ANO2: variants seen among roughly 807,000 people sequenced by gnomAD.
The protein encoded by ANO2 is anoctamin 2, also known as anoctamin-2.
In ANO2, 101 loss-of-function variants were observed where a neutral mutation model predicts 124.2. That is an observed-to-expected ratio of 0.81 (90% confidence interval 0.69 to 0.96). ANO2 has a LOEUF of 0.96. ANO2 is among the 40% of genes least tolerant of loss of function. The pLI, the probability that ANO2 is intolerant of heterozygous loss-of-function variation, is 0.00. For synonymous variants in ANO2, 486 were observed against 482.5 expected (o/e 1.01, Z -0.09); for missense variants, 1,293 against 1,274.5 (o/e 1.01, Z -0.22).
intron 3 of ANO2, among the ~76,000 whole-genome samples, chr12:5,875,602 A>G (rs1180479120): frequency 3.3e-5 from 5 of 152,230 alleles, no homozygotes; most frequent in Admixed American, 6.5e-5. Context: ...CAGATGCCTA[A>G]TAACTACCAC....
At chr12:5,700,763 C>T (rs535160847) in intron 14 of ANO2, among the ~76,000 whole-genome samples, 1 of 152,202 alleles carries the variant, frequency 6.6e-6, no homozygotes, top group South Asian at 2.1e-4. Context: ...GGTTATCAGA[C>T]TGCTGGCCTC....
At chr12:5,594,409 C>CCAA (rs1322351571) in intron 20 of ANO2, among the ~76,000 whole-genome samples, 1 of 152,168 alleles carries the variant, frequency 6.6e-6, no homozygotes, top group Non-Finnish European at 1.5e-5. Flanking sequence ...ACCACATTGG[C>CCAA]CAAGATTTTA....
intron 4 of ANO2, among the ~76,000 whole-genome samples, chr12:5,850,494 G>A (rs1405555773): frequency 6.7e-6 from 1 of 149,382 alleles, no homozygotes. Context: ...CAGTCCCCCT[G>A]AGTCGAGTCT....
chr12:5,892,749 A>G (rs1939497428), intron 3 of ANO2, among the ~76,000 whole-genome samples: 1 of 152,238 alleles, frequency 6.6e-6, no homozygotes, highest in Admixed American at 6.5e-5. Context: ...TTTATTGCCA[A>G]CAGACTTGGT....
intron 16 of ANO2, among the ~76,000 whole-genome samples, chr12:5,625,806 C>G (rs887218473): frequency 2.6e-5 from 4 of 152,056 alleles, no homozygotes; most frequent in Non-Finnish European, 5.9e-5. Context: ...ATATGATTCA[C>G]GAGGCTTTGA....
intron 14 of ANO2, among the ~76,000 whole-genome samples, chr12:5,683,287 A>G (rs1384699645): frequency 6.6e-6 from 1 of 152,220 alleles, no homozygotes; most frequent in African/African-American, 2.4e-5. Flanking sequence ...AAATCAAGAA[A>G]CAGGAAAAAG....
chr12:5,679,918 A>C (rs886638159), intron 14 of ANO2, among the ~76,000 whole-genome samples: 2 of 152,230 alleles, frequency 1.3e-5, no homozygotes, highest in Non-Finnish European at 2.9e-5. Context: ...CTAGATAAAG[A>C]AAATGTGGTA....
chr12:5,898,014 T>C (rs569133836), intron 3 of ANO2, among the ~76,000 whole-genome samples: 15 of 152,150 alleles, frequency 9.9e-5, no homozygotes, highest in African/African-American at 3.4e-4. Context: ...GTACCAAGTA[T>C]AGATGAAGAA....
intron 14 of ANO2, among the ~76,000 whole-genome samples, chr12:5,705,677 T>C (rs975479131): frequency 4.6e-5 from 7 of 152,254 alleles, no homozygotes; most frequent in African/African-American, 1.7e-4. Context: ...GGCCACACTA[T>C]GGCTTCCTAA....
intron 3 of ANO2, among the ~76,000 whole-genome samples, chr12:5,895,914 G>A (rs1939751469): frequency 6.6e-6 from 1 of 152,004 alleles, no homozygotes; most frequent in South Asian, 2.1e-4. Flanking sequence ...AGCGAATAAA[G>A]AAAATGTGGC....
At chr12:5,885,344 G>T (rs553067367) in intron 3 of ANO2, among the ~76,000 whole-genome samples, 31 of 152,374 alleles carry the variant, frequency 2.0e-4, no homozygotes, top group Admixed American at 1.4e-3. Flanking sequence ...TTGCACTAAA[G>T]ATTCAGCCCA....
chr12:5,899,784 C>T (rs1940057810), intron 3 of ANO2, among the ~76,000 whole-genome samples: 2 of 152,234 alleles, frequency 1.3e-5, no homozygotes, highest in Non-Finnish European at 2.9e-5. Context: ...GACAGCTCAT[C>T]CCTTTTCCTT....
chr12:5,834,928 A>G (rs1443001280), intron 4 of ANO2, among the ~76,000 whole-genome samples: 1 of 152,036 alleles, frequency 6.6e-6, no homozygotes, highest in Non-Finnish European at 1.5e-5. Flanking sequence ...CTTTTTTTTC[A>G]TTTAGCATCA....
At chr12:5,851,770 G>C (rs554375889) in intron 4 of ANO2, among the ~76,000 whole-genome samples, 1 of 151,978 alleles carries the variant, frequency 6.6e-6, no homozygotes. Flanking sequence ...CATCAGAGGT[G>C]GGGGGTGGAA....
Position 5,744,297 on chromosome 12 carries a change from T to C in ANO2, c.1211A>G (p.Gln404Arg), listed in dbSNP as rs756067522. ...CAGGGGACACATGGTGAAGGCATTC[T>C]GCTGGTCACACATCTCTCTGCTGCA... The part of the protein sequence containing the change: ...DIPSREMCDQ[Q>R]NAFTMCPLCD... The change falls in exon 12 of 25, where the codon CAG becomes CGG. Residue 404 changes from glutamine (Q) to arginine (R), a missense_variant. By Grantham distance (43) the Gln-to-Arg change is conservative. Transcript: ENST00000682330. 6.2e-7 allele frequency: 1 copy of C among 1,613,972 alleles called. No individual in the cohort carries two copies. Among genetic ancestry groups the C allele is most frequent in the South Asian group, 1.1e-5 (1 of 91,080 alleles).
intron 3 of ANO2, among the ~76,000 whole-genome samples, chr12:5,888,219 G>A (rs758022548): frequency 6.6e-6 from 1 of 151,420 alleles, no homozygotes; most frequent in African/African-American, 2.4e-5. Context: ...AAGGCGGCGC[G>A]TCTGGAGTTG....
chr12:5,701,540 G>C (rs945575523), intron 14 of ANO2, among the ~76,000 whole-genome samples: 2 of 152,062 alleles, frequency 1.3e-5, no homozygotes, highest in African/African-American at 4.8e-5. Context: ...ACCACTTCTA[G>C]ATTATTCATG....
chr12:5,763,469 T>C (rs972836463), intron 10 of ANO2, among the ~76,000 whole-genome samples: 8 of 152,098 alleles, frequency 5.3e-5, no homozygotes, highest in Non-Finnish European at 1.2e-4. Context: ...TGTTACCTGA[T>C]CTGTCTCAAC....
In ANO2 at chr12:5,900,605, T is replaced by TAA. The variant is rs5796188; in HGVS notation, c.534+20433_534+20434dup. ...AAAAAACTAAAGTGAACTCTCCCTT[T>TAA]AAAAAAAAAACATGGGGGAGCATTT... On this transcript the variant is annotated intron_variant, in intron 3 of 24. Coordinates refer to ENST00000682330, the MANE Select transcript of ANO2 (RefSeq NM_001364791.2). The surrounding 1 kb of genome is among the most constrained non-coding windows in gnomAD (Gnocchi z 4.2). Among the ~76,000 whole-genome samples, 245 of 149,268 alleles carry TAA rather than the reference T, an allele frequency of 1.6e-3. No homozygotes were observed. The highest frequency in any genetic ancestry group is 4.2e-3 in the African/African-American group (171 of 40,772).
Sources: gnomAD v4.1 joint callset for allele counts (sites outside exome capture counted in the v4.1 genomes callset) on GRCh38, gnomAD v4.1.1 for gene constraint, Gnocchi (gnomAD v3.1) non-coding constraint, MANE v1.5 for transcripts, NCBI Gene and HGNC (gene_info 2026-07-23, HGNC 2026-07-21) for gene names.